Variants in DPP6 observed in about 807,000 individuals in gnomAD.
DPP6 encodes the protein A-type potassium channel modulatory protein DPP6.
In DPP6, 69 loss-of-function variants were observed where a neutral mutation model predicts 122.6. The ratio of observed to expected loss-of-function variants is 0.56; its 90% CI spans 0.46 to 0.69. The LOEUF (loss-of-function observed/expected upper bound fraction) is 0.69. DPP6 is among the 30% of genes least tolerant of loss of function. The pLI is 0.00. For synonymous variants in DPP6, 418 were observed against 433.1 expected (o/e 0.97, Z 0.43); for missense variants, 928 against 1,116.9 (o/e 0.83, Z 2.41).
At chr7:154,496,059 G>T (rs1050022358) in intron 3 of DPP6, among the ~76,000 whole-genome samples, 2 of 152,154 alleles carry the variant, frequency 1.3e-5, no homozygotes, top group Non-Finnish European at 2.9e-5. Context: ...AATTTAGTAG[G>T]CAAAATCTTA....
chr7:154,885,450 G>T, intron 21 of DPP6, 183 bp from the exon 22 acceptor site: 1 of 760,906 alleles, frequency 1.3e-6, no homozygotes. Context: ...ATGCTGAGTT[G>T]GAAGGGAGTT....
intron 1 of DPP6, among the ~76,000 whole-genome samples, chr7:153,966,192 T>C (rs1466116405): frequency 6.8e-6 from 1 of 146,308 alleles, no homozygotes; most frequent in Non-Finnish European, 1.5e-5. Context: ...TTTCACATTG[T>C]GAGCTGATTA....
intron 7 of DPP6, among the ~76,000 whole-genome samples, chr7:154,715,740 A>T (rs111456875): frequency 6.6e-6 from 1 of 152,216 alleles, no homozygotes; most frequent in East Asian, 1.9e-4. Context: ...GAGGGACTTT[A>T]TGTTGTATAA....
chr7:154,424,732 C>T (rs1817751496), intron 1 of DPP6, among the ~76,000 whole-genome samples: 5 of 152,180 alleles, frequency 3.3e-5, no homozygotes, highest in Admixed American at 3.3e-4. Flanking sequence ...TACAATGAAG[C>T]AATTTCCATC....
the DPP6 span, among the ~76,000 whole-genome samples, chr7:153,759,481 C>A: frequency 6.6e-6 from 1 of 151,668 alleles, no homozygotes; most frequent in South Asian, 2.1e-4. Flanking sequence ...ACCACCACAC[C>A]CAGCTAATTT....
chr7:154,358,291 C>T (rs1266748232), intron 1 of DPP6, among the ~76,000 whole-genome samples: 3 of 152,310 alleles, frequency 2.0e-5, no homozygotes, highest in South Asian at 2.1e-4. Flanking sequence ...GTTAGGACCT[C>T]GCTGTGGCCT....
At position 154,474,927 on chromosome 7, in the gene DPP6, A is replaced by G. The variant is rs1563728651; in HGVS notation, c.359-12A>G. The G allele has an allele frequency of 1.4e-5, 23 of 1,604,128 alleles. No individual in the cohort carries two copies. Among genetic ancestry groups the G allele is most frequent in the Non-Finnish European group, 1.9e-5 (22 of 1,171,792 alleles). ...AAACAAGCTTAACTCTTTGCTTTTT[A>G]TTTTTTTCTAGCGGAAGATAATAGT... is the stretch of plus-strand genomic sequence containing the variant. On this transcript the variant is annotated splice_polypyrimidine_tract_variant and intron_variant, in intron 2 of 25. Coordinates refer to ENST00000377770, the MANE Select transcript of DPP6 (RefSeq NM_130797.4).
intron 4 of DPP6, among the ~76,000 whole-genome samples, chr7:154,552,158 G>A (rs771626303): frequency 3.9e-5 from 6 of 152,198 alleles, no homozygotes; most frequent in Non-Finnish European, 8.8e-5. Context: ...AAACCAGCTG[G>A]TGTTGATTAG....
intron 1 of DPP6, among the ~76,000 whole-genome samples, chr7:154,348,155 C>T (rs991380244): frequency 2.0e-5 from 3 of 151,546 alleles, no homozygotes; most frequent in Admixed American, 2.0e-4. Context: ...ATATGTAACA[C>T]ACCTCAGGTG....
At chr7:153,773,880 TA>T in the DPP6 span, among the ~76,000 whole-genome samples, 6 of 138,506 alleles carry the variant, frequency 4.3e-5, no homozygotes, top group Non-Finnish European at 7.9e-5. Flanking sequence ...AAAAAGAAAA[TA>T]AAAAAATCAA....
intron 1 of DPP6, among the ~76,000 whole-genome samples, chr7:153,917,156 C>T (rs556599760): frequency 1.8e-4 from 27 of 152,260 alleles, no homozygotes; most frequent in African/African-American, 6.3e-4. Flanking sequence ...CTTTAAGTAG[C>T]AAGTTCTTAT....
chr7:154,731,239 G>T (rs1842326334), intron 8 of DPP6, among the ~76,000 whole-genome samples: 1 of 152,208 alleles, frequency 6.6e-6, no homozygotes, highest in African/African-American at 2.4e-5. Context: ...TAAAGCATTT[G>T]CAGAGGGGCT....
intron 1 of DPP6, among the ~76,000 whole-genome samples, chr7:154,103,981 A>G (rs1000163943): frequency 2.6e-5 from 4 of 152,186 alleles, no homozygotes; most frequent in African/African-American, 9.7e-5. Flanking sequence ...CAGCTTGCAG[A>G]TGGCCTATGG....
In DPP6 at chr7:154,587,791, C is replaced by G. The variant is rs766175613; in HGVS notation, c.627+20875C>G. The G allele has an allele frequency of 1.9e-6, 3 of 1,611,788 alleles. No individual in the cohort carries two copies. The Admixed American group carries it at 5.0e-5, about 27-fold the overall frequency. Reference sequence around the variant, plus strand: ...CACCATGTCTCTTCCTCTTCACTGCCTGCGTGACTATGTCTCGGCAGTCAA... The same window carrying G: ...CACCATGTCTCTTCCTCTTCACTGCGTGCGTGACTATGTCTCGGCAGTCAA... On this transcript the variant is annotated intron_variant, in intron 5 of 25. Transcript: ENST00000377770.
chr7:153,855,173 G>T, the DPP6 span, among the ~76,000 whole-genome samples: 1 of 149,630 alleles, frequency 6.7e-6, no homozygotes, highest in South Asian at 2.2e-4. Flanking sequence ...CACCAGCATG[G>T]CACATGTATA....
At chr7:153,837,862 T>TTTTTTTTTTTTTG in the DPP6 span, among the ~76,000 whole-genome samples, 1 of 146,526 alleles carries the variant, frequency 6.8e-6, no homozygotes, top group African/African-American at 2.5e-5. Context: ...TTTTTTTTTT[T>TTTTTTTTTTTTTG]AGTAGAGATG....
At chr7:154,410,525 T>C (rs1816506472) in intron 1 of DPP6, among the ~76,000 whole-genome samples, 1 of 152,246 alleles carries the variant, frequency 6.6e-6, no homozygotes, top group African/African-American at 2.4e-5. Flanking sequence ...GTACACCTCC[T>C]TGGATAACCA....
intron 16 of DPP6, among the ~76,000 whole-genome samples, chr7:154,823,158 T>G (rs1007979276): frequency 1.3e-5 from 2 of 152,164 alleles, no homozygotes; most frequent in South Asian, 2.1e-4. Context: ...AGACATTATT[T>G]TTTTTGCCCT....
intron 1 of DPP6, among the ~76,000 whole-genome samples, chr7:154,275,300 CCT>C (rs2150940659): frequency 6.6e-6 from 1 of 152,314 alleles, no homozygotes; most frequent in Admixed American, 6.5e-5. Flanking sequence ...GACCTCCTTC[CCT>C]CTGTGTCCCC....
Sources: allele counts gnomAD v4.1 joint callset (sites outside exome capture counted in the v4.1 genomes callset), GRCh38; gene constraint gnomAD v4.1.1; transcripts MANE v1.5; gene names NCBI Gene and HGNC (gene_info 2026-07-23, HGNC 2026-07-21).